Variants in NAA11 observed in about 807,000 individuals in gnomAD.
NAA11 encodes N-alpha-acetyltransferase 11, NatA catalytic subunit.
NAA11 carries 15 observed loss-of-function variants against 16.1 expected under a neutral mutation model. The observed-to-expected ratio is 0.93, with a 90% CI of 0.62 to 1.44. The LOEUF is 1.44. Among genes scored for constraint, NAA11 ranks in the 40% most tolerant of loss-of-function variants. The pLI is 0.00. For missense variants in NAA11, 298 were observed against 291.3 expected, an observed-to-expected ratio of 1.02 and a Z score of -0.17; for synonymous variants, 122 against 112.4, an observed-to-expected ratio of 1.09 and a Z score of -0.54.
chr4:79,176,106 T>C, the NAA11 span, among the ~76,000 whole-genome samples: 1 of 152,124 alleles, frequency 6.6e-6, no homozygotes, highest in African/African-American at 2.4e-5. Flanking sequence ...TAAAAAGGAA[T>C]CAGATGGCAA....
chr4:79,191,075 A>T, the NAA11 span, among the ~76,000 whole-genome samples: 3 of 152,132 alleles, frequency 2.0e-5, no homozygotes, highest in Admixed American at 6.6e-5. Flanking sequence ...TCTGTCATCG[A>T]TGGGCATTTA....
the NAA11 span, among the ~76,000 whole-genome samples, chr4:79,213,394 G>A: frequency 6.6e-6 from 1 of 151,948 alleles, no homozygotes; most frequent in African/African-American, 2.4e-5. Context: ...GCCATGGTTT[G>A]AGGATATGTG....
chr4:79,260,079 C>T (rs995749330), intron 2 of NAA11, among the ~76,000 whole-genome samples: 2 of 152,146 alleles, frequency 1.3e-5, no homozygotes, highest in Admixed American at 6.5e-5. Context: ...GTTTTATATT[C>T]TGTGTTGATT....
At chr4:79,271,606 A>G (rs1722494160) in intron 2 of NAA11, among the ~76,000 whole-genome samples, 1 of 152,068 alleles carries the variant, frequency 6.6e-6, no homozygotes, top group East Asian at 1.9e-4. Flanking sequence ...GTGAGCTAAT[A>G]TTGGTACTTT....
chr4:79,270,085 C>T (rs982032419), intron 2 of NAA11, among the ~76,000 whole-genome samples: 2 of 150,480 alleles, frequency 1.3e-5, no homozygotes, highest in South Asian at 4.3e-4. Flanking sequence ...GTACCAGTAC[C>T]ATGCTGTTTT....
intron 2 of NAA11, among the ~76,000 whole-genome samples, chr4:79,278,518 T>C (rs1722718171): frequency 1.3e-5 from 2 of 152,078 alleles, no homozygotes; most frequent in African/African-American, 4.8e-5. Context: ...AATGACTTGT[T>C]CATATTTCTT....
At chr4:79,271,809 C>T (rs906897645) in intron 2 of NAA11, among the ~76,000 whole-genome samples, 1 of 151,932 alleles carries the variant, frequency 6.6e-6, no homozygotes, top group Non-Finnish European at 1.5e-5. Context: ...GGTATCATGC[C>T]AGTCTTCTAA....
the NAA11 span, among the ~76,000 whole-genome samples, chr4:79,179,360 A>T: frequency 6.6e-6 from 1 of 152,130 alleles, no homozygotes; most frequent in South Asian, 2.1e-4. Context: ...TTTTAATAAG[A>T]TATGGTAAAG....
chr4:79,263,648 C>T (rs1465106077), intron 2 of NAA11, among the ~76,000 whole-genome samples: 1 of 152,108 alleles, frequency 6.6e-6, no homozygotes, highest in Non-Finnish European at 1.5e-5. Context: ...TTTCTCCTTC[C>T]TTGCCTTCTT....
the NAA11 span, among the ~76,000 whole-genome samples, chr4:79,172,082 G>T: frequency 6.6e-6 from 1 of 152,050 alleles, no homozygotes; most frequent in African/African-American, 2.4e-5. Flanking sequence ...GACAGGAAAA[G>T]GTATGAAATC....
At chr4:79,265,556 C>G (rs1197765751) in intron 2 of NAA11, among the ~76,000 whole-genome samples, 1 of 152,180 alleles carries the variant, frequency 6.6e-6, no homozygotes, top group Non-Finnish European at 1.5e-5. Context: ...CTTTGAACAG[C>G]TCAGCAGCCA....
the NAA11 span, among the ~76,000 whole-genome samples, chr4:79,173,678 AT>A: frequency 6.6e-6 from 1 of 152,110 alleles, no homozygotes; most frequent in Non-Finnish European, 1.5e-5. Flanking sequence ...AAGAGAAGAT[AT>A]TCTCGTGGGG....
At chr4:79,227,672 CTG>C (rs1390200520) in intron 2 of NAA11, 1 of 151,802 alleles carries the variant, frequency 6.6e-6, no homozygotes, top group Non-Finnish European at 1.5e-5. Flanking sequence ...GAGATGGACA[CTG>C]TTTTTTAGGT....
intron 1 of NAA11, among the ~76,000 whole-genome samples, chr4:79,319,404 A>G (rs767061765): frequency 5.3e-5 from 8 of 152,244 alleles, no homozygotes; most frequent in Non-Finnish European, 1.2e-4. Flanking sequence ...AAAGATATTT[A>G]TCTATAGAAA....
At chr4:79,195,250 A>C in the NAA11 span, among the ~76,000 whole-genome samples, 1 of 152,108 alleles carries the variant, frequency 6.6e-6, no homozygotes, top group Admixed American at 6.6e-5. Flanking sequence ...ACAACTTGTC[A>C]ATAAGAAGTT....
chr4:79,291,303 A>C (rs1417011794), intron 2 of NAA11, among the ~76,000 whole-genome samples: 1 of 151,600 alleles, frequency 6.6e-6, no homozygotes, highest in Non-Finnish European at 1.5e-5. Flanking sequence ...CTCTACAAAA[A>C]AACGAAAAAA....
intron 2 of NAA11, among the ~76,000 whole-genome samples, chr4:79,285,135 C>T (rs945012578): frequency 1.4e-4 from 21 of 152,174 alleles, no homozygotes; most frequent in Admixed American, 1.3e-3. Flanking sequence ...GCATGTGAAA[C>T]AACTACTGCT....
At chr4:79,277,441 A>G (rs1180249786) in intron 2 of NAA11, among the ~76,000 whole-genome samples, 1 of 152,126 alleles carries the variant, frequency 6.6e-6, no homozygotes. Flanking sequence ...CTATGTTTAA[A>G]AAGTTTGAAA....
At chr4:79,181,970 T>G in the NAA11 span, among the ~76,000 whole-genome samples, 1 of 152,236 alleles carries the variant, frequency 6.6e-6, no homozygotes, top group Non-Finnish European at 1.5e-5. Context: ...AGAAGTCATT[T>G]CTTGTGTTTT....
Sources: gnomAD v4.1 joint callset for allele counts (sites outside exome capture counted in the v4.1 genomes callset) on GRCh38, gnomAD v4.1.1 for gene constraint, MANE v1.5 for transcripts, NCBI Gene and HGNC (gene_info 2026-07-23, HGNC 2026-07-21) for gene names.